The following GAREM1 variants were observed in gnomAD, a reference collection of about 807,000 sequenced individuals.
GAREM1 encodes the protein GRB2 associated regulator of MAPK1 subtype 1, also known as GRB2-associated and regulator of MAPK protein 1.
GAREM1 carries 26 observed loss-of-function variants against 71.3 expected under a neutral mutation model. The observed-to-expected ratio is 0.36, with a 90% confidence interval of 0.27 to 0.51. The LOEUF (loss-of-function observed/expected upper bound fraction) is 0.51, where lower values mean the gene tolerates loss of function less well. Among genes scored for constraint, GAREM1 ranks in the 20% least tolerant of loss-of-function variants. GAREM1 has a pLI of 0.95. For synonymous variants in GAREM1, 440 were observed against 433.2 expected (o/e 1.02, Z -0.20); for missense variants, 1,026 against 1,103.1 (o/e 0.93, Z 0.99).
intron 1 of GAREM1, among the ~76,000 whole-genome samples, chr18:32,406,489 T>C (rs2048368120): frequency 6.6e-6 from 1 of 152,078 alleles, no homozygotes; most frequent in Non-Finnish European, 1.5e-5. Flanking sequence ...AGAAACGGTG[T>C]GTGGTGGGGG....
At chr18:32,370,035 C>A (rs373955590) in intron 2 of GAREM1, among the ~76,000 whole-genome samples, 3 of 152,192 alleles carry the variant, frequency 2.0e-5, no homozygotes, top group African/African-American at 7.2e-5. Context: ...AGGTTGTACA[C>A]GAAGAAAATT....
chr18:32,440,029 C>T (rs1435462411), intron 1 of GAREM1, among the ~76,000 whole-genome samples: 1 of 152,172 alleles, frequency 6.6e-6, no homozygotes, highest in Non-Finnish European at 1.5e-5. Flanking sequence ...ACATCTGCTC[C>T]ATTCTTCTCT....
At chr18:32,370,981 C>T (rs562180239) in intron 2 of GAREM1, among the ~76,000 whole-genome samples, 6 of 152,150 alleles carry the variant, frequency 3.9e-5, no homozygotes, top group Admixed American at 1.3e-4. Flanking sequence ...TAGATGACCT[C>T]GAAGAGCTCA....
At chr18:32,322,999 T>C (rs769255003) in intron 2 of GAREM1, among the ~76,000 whole-genome samples, 2 of 152,232 alleles carry the variant, frequency 1.3e-5, no homozygotes, top group Non-Finnish European at 2.9e-5. Flanking sequence ...TATATATTTT[T>C]GGGAGTCTCA....
In GAREM1 at chr18:32,449,441, C is replaced by T. The variant is rs138952173; in HGVS notation, c.121+20867G>A. ...GGGGCTCACGCCTGCAATCCCAGCA[C>T]TTTAGGAGGCCGAGGCAAGTGGATC... On this transcript the variant is annotated intron_variant, in intron 1 of 5. Transcript: ENST00000269209. Among the ~76,000 whole-genome samples, 19 of 152,274 alleles carry T rather than the reference C, an allele frequency of 1.2e-4. 1 individual carries two copies. The highest frequency in any genetic ancestry group is 4.1e-4 in the African/African-American group (17 of 41,570).
intron 2 of GAREM1, among the ~76,000 whole-genome samples, chr18:32,331,091 T>C (rs1243300103): frequency 1.3e-5 from 2 of 152,208 alleles, no homozygotes; most frequent in African/African-American, 2.4e-5. Context: ...TAGATAATTA[T>C]AGGTTTTTTT....
intron 1 of GAREM1, among the ~76,000 whole-genome samples, chr18:32,418,147 G>C (rs1009538560): frequency 6.6e-6 from 1 of 152,116 alleles, no homozygotes; most frequent in African/African-American, 2.4e-5. Context: ...GATGCAAGAG[G>C]AAAGTAGATA....
chr18:32,421,758 T>A (rs2048521641), intron 1 of GAREM1, among the ~76,000 whole-genome samples: 1 of 152,248 alleles, frequency 6.6e-6, no homozygotes, highest in Non-Finnish European at 1.5e-5. Context: ...TCTGTCATAT[T>A]TGCAAGAGAT....
chr18:32,366,151 A>G (rs1432361700), intron 2 of GAREM1, among the ~76,000 whole-genome samples: 1 of 151,892 alleles, frequency 6.6e-6, no homozygotes, highest in Non-Finnish European at 1.5e-5. Flanking sequence ...CTGCCCACCT[A>G]ACACACCCTA....
At chr18:32,468,960 T>TCCCCCCCCCCCCCCC (rs34977174) in intron 1 of GAREM1, among the ~76,000 whole-genome samples, 206 of 82,150 alleles carry the variant, frequency 2.5e-3, no homozygotes, top group Non-Finnish European at 2.5e-3. Flanking sequence ...CACCTGTGCG[T>TCCCCCCCCCCCCCCC]CCCCCCCCCC....
At chr18:32,356,394 C>T (rs2047805326) in intron 2 of GAREM1, among the ~76,000 whole-genome samples, 1 of 152,154 alleles carries the variant, frequency 6.6e-6, no homozygotes, top group Non-Finnish European at 1.5e-5. Context: ...TTCGCTATCA[C>T]AAAGACAAAC....
chr18:32,334,507 A>G (rs544905965), intron 2 of GAREM1, among the ~76,000 whole-genome samples: 131 of 152,314 alleles, frequency 8.6e-4, no homozygotes, highest in African/African-American at 3.1e-3. Flanking sequence ...TTTCTAGTCC[A>G]AGGAACAGAT....
At chr18:32,295,105 C>T (rs1382980449) in intron 3 of GAREM1, among the ~76,000 whole-genome samples, 1 of 151,898 alleles carries the variant, frequency 6.6e-6, no homozygotes, top group Non-Finnish European at 1.5e-5. Context: ...TGCTCTGTCA[C>T]CCAGGCTGGA....
chr18:32,413,176 T>G (rs890642112), intron 1 of GAREM1: 40 of 1,600,920 alleles, frequency 2.5e-5, no homozygotes, highest in Non-Finnish European at 2.9e-5. Context: ...GACTTAGACA[T>G]GACGGCAGGG....
intron 4 of GAREM1, among the ~76,000 whole-genome samples, chr18:32,275,070 G>A (rs2041520815): frequency 6.6e-6 from 1 of 151,866 alleles, no homozygotes; most frequent in Admixed American, 6.6e-5. Flanking sequence ...AGTTTTTTTG[G>A]TGACCCTGAG....
chr18:32,346,135 CTTTA>C (rs1260621657), intron 2 of GAREM1, among the ~76,000 whole-genome samples: 2 of 151,922 alleles, frequency 1.3e-5, no homozygotes, highest in Non-Finnish European at 2.9e-5. Context: ...TTGCCTGTTG[CTTTA>C]TTTTTTATAA....
chr18:32,364,761 T>C (rs923071260), intron 2 of GAREM1, among the ~76,000 whole-genome samples: 1 of 152,044 alleles, frequency 6.6e-6, no homozygotes, highest in African/African-American at 2.4e-5. Flanking sequence ...ACAAGACACG[T>C]TAACACAGAA....
At chr18:32,379,347 T>C (rs1326957206) in intron 2 of GAREM1, among the ~76,000 whole-genome samples, 1 of 151,156 alleles carries the variant, frequency 6.6e-6, no homozygotes, top group East Asian at 2.0e-4. Flanking sequence ...AATATTTCAA[T>C]GGAGTCTCTC....
rs375353475 is a variant in GAREM1 at position 32,268,390 on chromosome 18, C to A, written c.2112G>T (p.Glu704Asp). 1 of 1,614,172 alleles carries A rather than the reference C, an allele frequency of 6.2e-7. No homozygotes were observed. Among genetic ancestry groups the A allele is most frequent in the South Asian group, 1.1e-5 (1 of 91,080 alleles). ...GCPKSASYSL[E>D]STDVKSLAAG... ...CTGCAAGAGATTTCACATCTGTGCT[C>A]TCCAGAGAGTAGCTGGCTGACTTGG... The change falls in exon 6 of 6, where the codon GAG becomes GAT. Residue 704 changes from glutamate to aspartate, a missense_variant. By Grantham distance (45) the Glu-to-Asp change is conservative. Transcript: ENST00000269209.
Sources: allele counts gnomAD v4.1 joint callset (sites outside exome capture counted in the v4.1 genomes callset), GRCh38; gene constraint gnomAD v4.1.1; transcripts MANE v1.5; gene names NCBI Gene and HGNC (gene_info 2026-07-23, HGNC 2026-07-21).